Variants in DUSP13B observed in about 807,000 individuals in gnomAD.
DUSP13B encodes dual specificity phosphatase 13B.
chr10:75,094,704 C>A, the DUSP13B span: 1 of 1,614,106 alleles, frequency 6.2e-7, no homozygotes, highest in South Asian at 1.1e-5. Context: ...CCGCCCCAGT[C>A]GGTTGTCCAG....
the DUSP13B span, chr10:75,109,091 C>T: frequency 6.2e-7 from 1 of 1,612,344 alleles, no homozygotes; most frequent in East Asian, 2.2e-5. Flanking sequence ...TCCTCCAGCT[C>T]CAGGATGCTG....
At chr10:75,108,016 G>A in the DUSP13B span, 3 of 1,613,130 alleles carry the variant, frequency 1.9e-6, no homozygotes, top group African/African-American at 1.3e-5. Flanking sequence ...AGGGCACGGT[G>A]GATGAAGTCA....
At chr10:75,097,923 C>T in the DUSP13B span, 4 of 1,520,430 alleles carry the variant, frequency 2.6e-6, no homozygotes, top group Non-Finnish European at 3.6e-6. Flanking sequence ...TGGAGGCAGG[C>T]TCCCAGAGGG....
At chr10:75,108,885 C>G in the DUSP13B span, 3 of 1,310,724 alleles carry the variant, frequency 2.3e-6, no homozygotes, top group Non-Finnish European at 3.0e-6. Flanking sequence ...GAGAAGGTCC[C>G]TGGCCTGGGA....
the DUSP13B span, chr10:75,099,741 C>A: frequency 1.9e-3 from 506 of 268,660 alleles, 10 homozygotes; most frequent in East Asian, 0.036. Flanking sequence ...GGGAAGAGAA[C>A]TTCTGAGGCA....
chr10:75,102,000 C>G, the DUSP13B span: 1 of 1,337,010 alleles, frequency 7.5e-7, no homozygotes, highest in Admixed American at 1.9e-5. Context: ...AGCATGCTGT[C>G]TACTCCCCTC....
chr10:75,095,514 A>AAT, the DUSP13B span: 1 of 1,479,176 alleles, frequency 6.8e-7, no homozygotes, highest in Non-Finnish European at 9.4e-7. Context: ...GTGCTACTGG[A>AAT]ATAATGGAGA....
the DUSP13B span, among the ~76,000 whole-genome samples, chr10:75,103,637 G>A: frequency 6.6e-6 from 1 of 152,204 alleles, no homozygotes; most frequent in Non-Finnish European, 1.5e-5. Flanking sequence ...CTCCCAGATG[G>A]TGGGAACAGG....
At chr10:75,099,805 G>A in the DUSP13B span, 3 of 183,154 alleles carry the variant, frequency 1.6e-5, no homozygotes, top group East Asian at 2.9e-4. Context: ...CTGTGGCCAC[G>A]AGCAAGTCTT....
At chr10:75,107,603 G>C in the DUSP13B span, among the ~76,000 whole-genome samples, 1 of 152,026 alleles carries the variant, frequency 6.6e-6, no homozygotes, top group South Asian at 2.1e-4. Context: ...GGGGGATGGA[G>C]TTTCGCCCTT....
chr10:75,095,747 G>A, the DUSP13B span: 580 of 1,614,234 alleles, frequency 3.6e-4, 2 homozygotes, highest in African/African-American at 6.1e-3. Flanking sequence ...CATTCACAAC[G>A]TGGGTGATTC....
At chr10:75,097,953 A>T in the DUSP13B span, 9 of 1,439,056 alleles carry the variant, frequency 6.3e-6, no homozygotes, top group African/African-American at 1.3e-4. Flanking sequence ...CTGATGGGGA[A>T]GCCCATGGTG....
the DUSP13B span, among the ~76,000 whole-genome samples, chr10:75,098,748 C>T: frequency 6.6e-6 from 1 of 152,116 alleles, no homozygotes; most frequent in African/African-American, 2.4e-5. Context: ...GGCAACAGAG[C>T]GAGAGTCCAT....
the DUSP13B span, chr10:75,107,960 G>A: frequency 6.9e-6 from 11 of 1,586,370 alleles, no homozygotes; most frequent in Non-Finnish European, 9.4e-6. Flanking sequence ...GAATGAGCAA[G>A]ATGGGATATG....
chr10:75,101,784 C>A, the DUSP13B span: 5 of 870,058 alleles, frequency 5.7e-6, no homozygotes, highest in South Asian at 2.6e-5. Flanking sequence ...CCTCCCCACA[C>A]AGGCACAAGT....
At chr10:75,107,350 A>G in the DUSP13B span, among the ~76,000 whole-genome samples, 1 of 151,920 alleles carries the variant, frequency 6.6e-6, no homozygotes, top group Non-Finnish European at 1.5e-5. Flanking sequence ...GTCTCAGAAA[A>G]AAAAAAAAAA....
chr10:75,108,354 C>A, the DUSP13B span: 1 of 1,406,996 alleles, frequency 7.1e-7, no homozygotes, highest in Non-Finnish European at 9.3e-7. Flanking sequence ...GGGTCTGACT[C>A]CACAGCCCTA....
chr10:75,095,925 G>A, the DUSP13B span: 1 of 840,670 alleles, frequency 1.2e-6, no homozygotes, highest in Non-Finnish European at 1.9e-6. Flanking sequence ...CTGCAAATTG[G>A]CCCAGGGTGA....
chr10:75,106,679 T>C, the DUSP13B span, among the ~76,000 whole-genome samples: 1 of 152,220 alleles, frequency 6.6e-6, no homozygotes, highest in Non-Finnish European at 1.5e-5. Context: ...TATTCGCAAT[T>C]TGGCTGTCTT....
Sources: gnomAD v4.1 joint callset for allele counts (sites outside exome capture counted in the v4.1 genomes callset) on GRCh38, gnomAD v4.1.1 for gene constraint, MANE v1.5 for transcripts, NCBI Gene and HGNC (gene_info 2026-07-23, HGNC 2026-07-21) for gene names.